FGFR1: variants seen among roughly 807,000 people sequenced by gnomAD.
The protein encoded by FGFR1 is FGFR1/PLAG1 fusion.
In FGFR1, 18 loss-of-function variants were observed where a neutral mutation model predicts 93.7. That is an observed-to-expected ratio of 0.19 (90% CI 0.13 to 0.28). The LOEUF is 0.28. Ranked by LOEUF, FGFR1 falls within the 10% of genes least tolerant of loss-of-function variation. The probability of loss-of-function intolerance (pLI) is 1.00; values close to 1 mark genes in which losing one functional copy is unlikely to be tolerated. For synonymous variants in FGFR1, 448 were observed against 429.3 expected, an observed-to-expected ratio of 1.04 and a Z score of -0.54; for missense variants, 731 against 1,080.4, an observed-to-expected ratio of 0.68 and a Z score of 4.53.
chr8:38,457,535 CT>C lies in FGFR1; in HGVS notation c.-88-2del. On this transcript the variant is annotated splice_acceptor_variant, in intron 1 of 17. Coordinates refer to ENST00000447712, the MANE Select transcript of FGFR1 (RefSeq NM_023110.3). LOFTEE classifies it low-confidence loss of function (5UTR_SPLICE). ...CTCGATCCTCCTTTTCAAACTGACC[CT>C]GAGGAAAGGAAAAAAACCCCAAAAG... The C allele has an allele frequency of 6.3e-7, 1 of 1,582,910 alleles. No individual in the cohort carries two copies. Among genetic ancestry groups the C allele is most frequent in the Non-Finnish European group, 8.6e-7 (1 of 1,165,614 alleles).
chr8:38,464,919 T>C (rs768029146), intron 1 of FGFR1, among the ~76,000 whole-genome samples: 8 of 152,208 alleles, frequency 5.3e-5, no homozygotes, highest in African/African-American at 9.6e-5. Flanking sequence ...CCCAAGTTCA[T>C]ACCAGCAAAT....
chr8:38,418,483 T>C, intron 9 of FGFR1, 110 bp from the exon 10 acceptor site: 2 of 1,314,482 alleles, frequency 1.5e-6, no homozygotes, highest in Middle Eastern at 4.4e-4. Context: ...TCTGTGTATC[T>C]GATGTTCTTT....
chr8:38,420,562 T>C (rs1368682416), intron 8 of FGFR1, among the ~76,000 whole-genome samples: 4 of 152,024 alleles, frequency 2.6e-5, no homozygotes, highest in Admixed American at 6.6e-5. Context: ...CCCACCCCAT[T>C]GCCACAGCAG....
chr8:38,423,243 G>A (rs757196185), intron 7 of FGFR1: 14 of 754,152 alleles, frequency 1.9e-5, no homozygotes, highest in South Asian at 1.4e-4. Flanking sequence ...CGTTGCTCCC[G>A]TGTAACTTTC....
chr8:38,447,128 C>T (rs1829581287), intron 2 of FGFR1, among the ~76,000 whole-genome samples: 1 of 150,904 alleles, frequency 6.6e-6, no homozygotes, highest in Non-Finnish European at 1.5e-5. Context: ...CACACACACA[C>T]ACACACACAC....
rs184965479 is a variant in FGFR1, at chr8:38,442,657, C to T, written c.92-12709G>A. Among the ~76,000 whole-genome samples the T allele has an allele frequency of 1.3e-3, 201 of 152,266 alleles. 1 individual carries two copies. The highest frequency in any genetic ancestry group is 4.3e-3 in the African/African-American group (177 of 41,536). On this transcript the variant is annotated intron_variant, in intron 2 of 17. Coordinates refer to ENST00000447712, the MANE Select transcript of FGFR1 (RefSeq NM_023110.3). Reference sequence around the variant, plus strand: ...GGAAAAGAATGTATCGCCCTCCCCCCACCTCTCCCAGCTGGGGCCTCTCGA... The same window carrying T: ...GGAAAAGAATGTATCGCCCTCCCCCTACCTCTCCCAGCTGGGGCCTCTCGA...
Position 38,421,785 on chromosome 8 carries a change from TAC to T in FGFR1, c.1081+10_1081+11del. The T allele has an allele frequency of 6.2e-7, 1 of 1,613,974 alleles. No individual in the cohort carries two copies. Among genetic ancestry groups the T allele is most frequent in the Non-Finnish European group, 8.5e-7 (1 of 1,179,954 alleles). On this transcript the variant is annotated intron_variant, in intron 8 of 17. Transcript: ENST00000447712. ...AGGGCAGGACATCGAGAGGAGAAGTTACAGTGTGTACCTTCCAGAACGGTCAA... is the reference window on the plus strand; with the variant it reads ...AGGGCAGGACATCGAGAGGAGAAGTTAGTGTGTACCTTCCAGAACGGTCAA...
chr8:38,464,301 C>T (rs1428315718), intron 1 of FGFR1, among the ~76,000 whole-genome samples: 3 of 112,328 alleles, frequency 2.7e-5, no homozygotes, highest in Non-Finnish European at 5.0e-5. Context: ...GGCGACAGAG[C>T]GAGACTATCT....
rs1046886522 is a variant in FGFR1, at chr8:38,466,899, C to G, written c.-89+1082G>C. On this transcript the variant is annotated intron_variant, in intron 1 of 17. Coordinates refer to ENST00000447712, the MANE Select transcript of FGFR1 (RefSeq NM_023110.3). Reference sequence around the variant, plus strand: ...AAGAAACAGGCTTCACACCCCACCCCCCCCCCACCACCACCAAAAAAGTGT... The same window carrying G: ...AAGAAACAGGCTTCACACCCCACCCGCCCCCCACCACCACCAAAAAAGTGT... Among the ~76,000 whole-genome samples, 8 of 150,428 alleles carry G rather than the reference C, an allele frequency of 5.3e-5. No individual in the cohort carries two copies. In the East Asian group the frequency reaches 1.4e-3, roughly 26 times the overall value.
At position 38,442,788 on chromosome 8, in the gene FGFR1, G is replaced by C. The variant is rs192320272; in HGVS notation, c.92-12840C>G. Among the ~76,000 whole-genome samples, 82 of 152,304 alleles carry C rather than the reference G, an allele frequency of 5.4e-4. No individual in the cohort carries two copies. In the Middle Eastern group the frequency reaches 0.024, roughly 44 times the overall value. ...CCCTAAACTTGCTGATGAATTAGTAGAGGCTTCAGCTGTTTCAGGATGTGT... is the reference window on the plus strand; with the variant it reads ...CCCTAAACTTGCTGATGAATTAGTACAGGCTTCAGCTGTTTCAGGATGTGT... On this transcript the variant is annotated intron_variant, in intron 2 of 17. Transcript: ENST00000447712.
chr8:38,418,376 G>A lies in FGFR1; in HGVS notation c.1285-3C>T, dbSNP rs1817513237. ...GATGCACTGGAGTCAGCAGACACCT[G>A]CAAGGAAGAGTGGGGTCACCCTAGA... On this transcript the variant is annotated splice_region_variant and splice_polypyrimidine_tract_variant and intron_variant, in intron 9 of 17. Transcript: ENST00000447712. 5.6e-6 allele frequency: 9 copies of A among 1,613,546 alleles called. No individual in the cohort carries two copies. The highest frequency in any genetic ancestry group is 1.1e-5 in the South Asian group (1 of 91,032).
intron 2 of FGFR1, among the ~76,000 whole-genome samples, chr8:38,439,187 G>C (rs1290667621): frequency 6.6e-6 from 1 of 152,174 alleles, no homozygotes; most frequent in Non-Finnish European, 1.5e-5. Context: ...ACAAGCTCTA[G>C]AGGCTGCATC....
At chr8:38,440,095 A>G (rs1357434442) in intron 2 of FGFR1, among the ~76,000 whole-genome samples, 1 of 151,774 alleles carries the variant, frequency 6.6e-6, no homozygotes, top group Admixed American at 6.6e-5. Flanking sequence ...CCTCAGCAAC[A>G]TGGGGGAAAC....
intron 2 of FGFR1, among the ~76,000 whole-genome samples, chr8:38,455,975 A>G (rs188371424): frequency 8.5e-5 from 13 of 152,248 alleles, no homozygotes; most frequent in Admixed American, 1.3e-4. Context: ...TCCAGCTCAG[A>G]CCTTGCCTTC....
rs535389105 is a variant in FGFR1 at position 38,427,245 on chromosome 8, C to T, written c.621+676G>A. ...ATTATGGTGAAAAACCAGAAAATAC[C>T]TAATATCACAAAATAGTTCATTAAA... On this transcript the variant is annotated intron_variant, in intron 5 of 17. Coordinates refer to ENST00000447712, the MANE Select transcript of FGFR1 (RefSeq NM_023110.3). Among the ~76,000 whole-genome samples, 33 of 152,146 alleles carry T rather than the reference C, an allele frequency of 2.2e-4. No homozygotes were observed. The Middle Eastern group carries it at 0.01, about 47-fold the overall frequency.
rs1482531327 is a variant in FGFR1, at chr8:38,426,548, G to A, written c.622-303C>T. 6.6e-6 allele frequency among the ~76,000 whole-genome samples: 1 copy of A among 152,150 alleles called. No homozygotes were observed. Among genetic ancestry groups the A allele is most frequent in the Non-Finnish European group, 1.5e-5 (1 of 68,036 alleles). ...AAATACACCAAGAATGTTCCCAACT[G>A]TGCACCTCTCCTATTACACTAAGAA... On this transcript the variant is annotated intron_variant, in intron 5 of 17. Coordinates refer to ENST00000447712, the MANE Select transcript of FGFR1 (RefSeq NM_023110.3). The surrounding 1 kb of genome is among the most constrained non-coding windows in gnomAD (Gnocchi z 4.1).
chr8:38,417,932 G>A lies in FGFR1; in HGVS notation c.1490C>T (p.Ala497Val), dbSNP rs1192215028. ...GGGTTTGTCCTTGTCCAGCCCGATA[G>A]CCTCTGCCAACACCACCTGCCCAAA... ...GCFGQVVLAE[A>V]IGLDKDKPNR... Residue 497 changes from alanine to valine, a missense_variant, in exon 11 of 18, where the codon GCT becomes GTT. By Grantham distance (64) the Ala-to-Val change is moderately conservative. This residue lies in a region of FGFR1 where 62 missense variants were observed against 99.5 expected (regional missense o/e 0.62). Coordinates refer to ENST00000447712, the MANE Select transcript of FGFR1 (RefSeq NM_023110.3). The A allele has an allele frequency of 1.9e-6, 3 of 1,614,066 alleles. No individual in the cohort carries two copies. Among genetic ancestry groups the A allele is most frequent in the Non-Finnish European group, 2.5e-6 (3 of 1,180,038 alleles).
chr8:38,415,537 A>C (rs1375580475), intron 13 of FGFR1, among the ~76,000 whole-genome samples: 1 of 151,814 alleles, frequency 6.6e-6, no homozygotes, highest in Non-Finnish European at 1.5e-5. Flanking sequence ...CCTGAGCTCA[A>C]GCAATCCTCC....
chr8:38,442,699 C>T (rs1418743081), intron 2 of FGFR1, among the ~76,000 whole-genome samples: 2 of 152,178 alleles, frequency 1.3e-5, no homozygotes, highest in African/African-American at 2.4e-5. Context: ...TCCCCTCCCC[C>T]AAACTCAGCA....
Sources: allele counts gnomAD v4.1 joint callset (sites outside exome capture counted in the v4.1 genomes callset), GRCh38; gene constraint gnomAD v4.1.1; regional missense constraint gnomAD v4.1.1; non-coding constraint Gnocchi (gnomAD v3.1); transcripts MANE v1.5; gene names NCBI Gene and HGNC (gene_info 2026-07-23, HGNC 2026-07-21).